The following INPP5A variants were observed in gnomAD, a reference collection of about 807,000 sequenced individuals.
INPP5A encodes inositol polyphosphate-5-phosphatase A.
A neutral mutation model predicts 65.2 loss-of-function variants in INPP5A; 14 were observed. The ratio of observed to expected loss-of-function variants is 0.21; its 90% CI spans 0.14 to 0.34. The LOEUF (loss-of-function observed/expected upper bound fraction) is 0.34, where lower values mean the gene tolerates loss of function less well. Among genes scored for constraint, INPP5A ranks in the 10% least tolerant of loss-of-function variants. The probability of loss-of-function intolerance (pLI) is 1.00; values close to 1 mark genes in which losing one functional copy is unlikely to be tolerated. For synonymous variants in INPP5A, 207 were observed against 208.3 expected, an observed-to-expected ratio of 0.99 and a Z score of 0.05; for missense variants, 431 against 545.6, an observed-to-expected ratio of 0.79 and a Z score of 2.09.
At chr10:132,702,547 G>A (rs182214488) in intron 6 of INPP5A, among the ~76,000 whole-genome samples, 12 of 152,250 alleles carry the variant, frequency 7.9e-5, no homozygotes, top group Admixed American at 7.2e-4. Flanking sequence ...GACGGTTATC[G>A]CAAATTCTAG....
chr10:132,607,119 C>T (rs1054907433), intron 1 of INPP5A, among the ~76,000 whole-genome samples: 16 of 152,156 alleles, frequency 1.1e-4, no homozygotes, highest in Non-Finnish European at 1.5e-4. Flanking sequence ...TGCCCTTGGC[C>T]GGAGCTGGCA....
intron 6 of INPP5A, among the ~76,000 whole-genome samples, chr10:132,703,580 CCT>C (rs1845474965): frequency 2.0e-5 from 3 of 149,284 alleles, no homozygotes; most frequent in African/African-American, 7.4e-5. Context: ...TGGCTTCACC[CCT>C]GCACACACAT....
chr10:132,592,495 A>AGCCTCC (rs2071631074), intron 1 of INPP5A, among the ~76,000 whole-genome samples: 1 of 152,168 alleles, frequency 6.6e-6, no homozygotes, highest in South Asian at 2.1e-4. Flanking sequence ...AGCTCACTGC[A>AGCCTCC]GCCTCCGCCT....
intron 12 of INPP5A, among the ~76,000 whole-genome samples, chr10:132,775,151 G>A (rs1847036263): frequency 8.7e-6 from 1 of 114,638 alleles, no homozygotes; most frequent in Non-Finnish European, 1.8e-5. Flanking sequence ...AGAGGGGCAG[G>A]GAGGAGAGAG....
intron 9 of INPP5A, among the ~76,000 whole-genome samples, chr10:132,734,054 T>C (rs962057782): frequency 6.6e-6 from 1 of 152,226 alleles, no homozygotes; most frequent in Non-Finnish European, 1.5e-5. Flanking sequence ...CCAGGCTCAG[T>C]GCAGCTGGTG....
chr10:132,687,574 C>G (rs1845158164), intron 4 of INPP5A, among the ~76,000 whole-genome samples: 1 of 152,228 alleles, frequency 6.6e-6, no homozygotes. Flanking sequence ...CTGCGTCCCC[C>G]TCGGGTATCC....
chr10:132,599,019 T>C (rs1214712035), intron 1 of INPP5A, among the ~76,000 whole-genome samples: 1 of 152,178 alleles, frequency 6.6e-6, no homozygotes, highest in Non-Finnish European at 1.5e-5. Context: ...TTCTGGGAGA[T>C]ACAATTCAAG....
Position 132,780,854 on chromosome 10 carries a change from G to C in INPP5A, c.1095G>C (p.Glu365Asp), listed in dbSNP as rs1379142568. 5 of 1,613,286 alleles carry C rather than the reference G, an allele frequency of 3.1e-6. No individual in the cohort carries two copies. Among genetic ancestry groups the C allele is most frequent in the African/African-American group, 1.3e-5 (1 of 75,056 alleles). ...TGTCTGTTTCCCCTTTCCAGTCGGAGAGCGAGGAGAAGGTTGTCACCTATG... is the reference window on the plus strand; with the variant it reads ...TGTCTGTTTCCCCTTTCCAGTCGGACAGCGAGGAGAAGGTTGTCACCTATG... ...PSAKELVLRS[E>D]SEEKVVTYDH... The change falls in exon 14 of 16, where the codon GAG becomes GAC. Residue 365 changes from glutamate (E) to aspartate (D), a missense_variant. Glu to Asp is a conservative substitution (Grantham distance 45). Transcript: ENST00000368594.
chr10:132,607,560 A>G (rs77047119), intron 1 of INPP5A, among the ~76,000 whole-genome samples: 3,541 of 152,258 alleles, frequency 0.023, 48 homozygotes, highest in South Asian at 0.039. Context: ...TTGCTTGTTG[A>G]AGCTGGGTTA....
chr10:132,732,391 G>A (rs1846102597), intron 9 of INPP5A, among the ~76,000 whole-genome samples: 1 of 152,240 alleles, frequency 6.6e-6, no homozygotes, highest in Non-Finnish European at 1.5e-5. Flanking sequence ...TTTGCACACA[G>A]TTTACTATGT....
At chr10:132,757,917 G>A (rs1321718911) in intron 11 of INPP5A, among the ~76,000 whole-genome samples, 2 of 147,588 alleles carry the variant, frequency 1.4e-5, no homozygotes, top group African/African-American at 2.5e-5. Context: ...GTGCGATGTC[G>A]TGGGTCCTTG....
intron 1 of INPP5A, among the ~76,000 whole-genome samples, chr10:132,570,957 T>TGG (rs2133283913): frequency 6.6e-6 from 1 of 152,352 alleles, no homozygotes; most frequent in Non-Finnish European, 1.5e-5. Flanking sequence ...CTGGCTCTCC[T>TGG]GGTGGGTGGG....
At position 132,775,336 on chromosome 10, in the gene INPP5A, C is replaced by A. The variant is rs1172319489; in HGVS notation, c.978-2335C>A. On this transcript the variant is annotated intron_variant, in intron 12 of 15. Coordinates refer to ENST00000368594, the MANE Select transcript of INPP5A (RefSeq NM_005539.5). ...GCGCCCCTGTCCTGTGTGCCTCCCCCCCCACCCAGCAGGTATGCTTTCAGA... is the reference window on the plus strand; with the variant it reads ...GCGCCCCTGTCCTGTGTGCCTCCCCACCCACCCAGCAGGTATGCTTTCAGA... Among the ~76,000 whole-genome samples the A allele has an allele frequency of 5.3e-5, 8 of 152,104 alleles. No individual in the cohort carries two copies. In the East Asian group the frequency reaches 1.4e-3, roughly 26 times the overall value.
intron 11 of INPP5A, among the ~76,000 whole-genome samples, chr10:132,760,974 C>A (rs903431539): frequency 1.3e-5 from 2 of 152,210 alleles, no homozygotes. Context: ...CATCTCGTTT[C>A]CAGGGGGAAT....
intron 2 of INPP5A, among the ~76,000 whole-genome samples, chr10:132,629,628 G>A (rs2072238295): frequency 6.6e-6 from 1 of 152,256 alleles, no homozygotes; most frequent in Non-Finnish European, 1.5e-5. Flanking sequence ...CTGCTGCGTG[G>A]TTTGGCCCTT....
intron 2 of INPP5A, among the ~76,000 whole-genome samples, chr10:132,633,326 TA>T: frequency 6.6e-6 from 1 of 152,184 alleles, no homozygotes; most frequent in Admixed American, 6.5e-5. Flanking sequence ...GCAGAGGAAA[TA>T]TTTTTTTTTC....
At chr10:132,633,919 C>T (rs911316294) in intron 2 of INPP5A, among the ~76,000 whole-genome samples, 16 of 152,234 alleles carry the variant, frequency 1.1e-4, no homozygotes, top group African/African-American at 3.4e-4. Flanking sequence ...CTGTGAAGCT[C>T]GTGGCCAGTT....
At chr10:132,669,440 C>A (rs754073953) in intron 4 of INPP5A, among the ~76,000 whole-genome samples, 1 of 152,126 alleles carries the variant, frequency 6.6e-6, no homozygotes, top group Non-Finnish European at 1.5e-5. Context: ...CTATGTAGCA[C>A]GTCCTCACGG....
In INPP5A at chr10:132,547,380, C is replaced by T. The variant is rs534662990; in HGVS notation, c.75+9209C>T. ...GCGTCAGGTGTTCTCGGCGGCCTCT[C>T]GGTAACAGCCTGGCCTTTGCTTCTG... On this transcript the variant is annotated intron_variant, in intron 1 of 15. Transcript: ENST00000368594. The surrounding 1 kb of genome is among the most constrained non-coding windows in gnomAD (Gnocchi z 5.5). Among the ~76,000 whole-genome samples, 6 of 152,318 alleles carry T rather than the reference C, an allele frequency of 3.9e-5. No homozygotes were observed. The highest frequency in any genetic ancestry group is 7.4e-5 in the Non-Finnish European group (5 of 68,020).
Sources: gnomAD v4.1 joint callset for allele counts (sites outside exome capture counted in the v4.1 genomes callset) on GRCh38, gnomAD v4.1.1 for gene constraint, Gnocchi (gnomAD v3.1) non-coding constraint, MANE v1.5 for transcripts, NCBI Gene and HGNC (gene_info 2026-07-23, HGNC 2026-07-21) for gene names.